Variants in SPOCK3 observed in about 807,000 individuals in gnomAD.
SPOCK3 encodes testican-3.
A neutral mutation model predicts 56.6 loss-of-function variants in SPOCK3; 30 were observed. The ratio of observed to expected loss-of-function variants is 0.53; its 90% CI spans 0.40 to 0.72. The LOEUF (loss-of-function observed/expected upper bound fraction) is 0.72. Ranked by LOEUF, SPOCK3 falls within the 30% of genes least tolerant of loss-of-function variation. The pLI is 0.00. For missense variants in SPOCK3, 527 were observed against 530.0 expected (o/e 0.99, Z 0.06); for synonymous variants, 196 against 183.3 (o/e 1.07, Z -0.56).
chr4:166,765,049 T>C lies in SPOCK3; in HGVS notation c.710-10320A>G, dbSNP rs374386674. On this transcript the variant is annotated intron_variant, in intron 7 of 10. Coordinates refer to ENST00000357545, the MANE Select transcript of SPOCK3 (RefSeq NM_001040159.2). The stretch of plus-strand genomic sequence containing the variant: ...TTTCGATGGGTTCTTTGTTTTTTTC[T>C]TGTAAATTTGTTTGAGTTCTTTGTA... Among the ~76,000 whole-genome samples, 12 of 152,316 alleles carry C rather than the reference T, an allele frequency of 7.9e-5. 1 individual carries two copies. The East Asian group carries it at 1.5e-3, about 20-fold the overall frequency.
At chr4:167,014,845 G>A (rs2150151348) in intron 3 of SPOCK3, among the ~76,000 whole-genome samples, 1 of 152,124 alleles carries the variant, frequency 6.6e-6, no homozygotes, top group African/African-American at 2.4e-5. Context: ...TGAGAGAAAT[G>A]TTCTTAAATC....
At chr4:167,182,883 A>G (rs1171541720) in intron 2 of SPOCK3, among the ~76,000 whole-genome samples, 1 of 152,110 alleles carries the variant, frequency 6.6e-6, no homozygotes, top group Non-Finnish European at 1.5e-5. Context: ...ACTGACTTCA[A>G]TCTTTTACAT....
At chr4:166,882,709 C>T (rs1029534217) in intron 6 of SPOCK3, 2 of 152,158 alleles carry the variant, frequency 1.3e-5, no homozygotes, top group East Asian at 3.8e-4. Context: ...AGTCCAACAT[C>T]AGTTTCACAG....
chr4:166,868,685 A>G (rs1244728664), intron 6 of SPOCK3, among the ~76,000 whole-genome samples: 1 of 152,122 alleles, frequency 6.6e-6, no homozygotes, highest in African/African-American at 2.4e-5. Flanking sequence ...TTTAAACATA[A>G]GAAGAAAAGG....
At chr4:167,058,336 A>C (rs569932069) in intron 3 of SPOCK3, among the ~76,000 whole-genome samples, 1 of 152,340 alleles carries the variant, frequency 6.6e-6, no homozygotes, top group African/African-American at 2.4e-5. Context: ...AAAAATCACA[A>C]GCATTCTTTT....
chr4:167,184,418 C>CA (rs1731777888), intron 2 of SPOCK3, among the ~76,000 whole-genome samples: 1 of 152,050 alleles, frequency 6.6e-6, no homozygotes, highest in African/African-American at 2.4e-5. Context: ...TCGTATCCAG[C>CA]AAAAAACTCA....
At chr4:167,119,875 C>G in intron 2 of SPOCK3, 1 of 1,519,044 alleles carries the variant, frequency 6.6e-7, no homozygotes, top group Non-Finnish European at 8.8e-7. Flanking sequence ...TTTCTTCTTA[C>G]TAATGCCCCA....
At chr4:167,135,407 G>T (rs945398683) in intron 2 of SPOCK3, among the ~76,000 whole-genome samples, 37 of 152,102 alleles carry the variant, frequency 2.4e-4, no homozygotes, top group African/African-American at 8.7e-4. Context: ...AAAGTGCATA[G>T]ATCTAAAAGA....
At chr4:166,897,740 T>C (rs904149424) in intron 5 of SPOCK3, among the ~76,000 whole-genome samples, 11 of 152,202 alleles carry the variant, frequency 7.2e-5, no homozygotes, top group Non-Finnish European at 1.5e-4. Flanking sequence ...TAGTGGTTTT[T>C]GGCAACGATG....
chr4:167,000,688 T>C (rs1748860401), intron 3 of SPOCK3, among the ~76,000 whole-genome samples: 1 of 152,202 alleles, frequency 6.6e-6, no homozygotes, highest in Non-Finnish European at 1.5e-5. Context: ...GATGCACATA[T>C]GCCTATGATC....
chr4:166,903,668 G>A lies in SPOCK3; in HGVS notation c.474+8952C>T, dbSNP rs189200146. On this transcript the variant is annotated intron_variant, in intron 5 of 10. Coordinates refer to ENST00000357545, the MANE Select transcript of SPOCK3 (RefSeq NM_001040159.2). Reference sequence around the variant, plus strand: ...ATTGACAGGTGTTTTGTTTTTTCCTGTCTCAGTTTCTGTGTTAGTGTTGTT... The same window carrying A: ...ATTGACAGGTGTTTTGTTTTTTCCTATCTCAGTTTCTGTGTTAGTGTTGTT... Among the ~76,000 whole-genome samples, 12 of 151,290 alleles carry A rather than the reference G, an allele frequency of 7.9e-5. No homozygotes were observed. In the East Asian group the frequency reaches 2.3e-3, roughly 29 times the overall value.
intron 8 of SPOCK3, among the ~76,000 whole-genome samples, chr4:166,744,064 G>A (rs1286207375): frequency 6.6e-6 from 1 of 152,198 alleles, no homozygotes; most frequent in African/African-American, 2.4e-5. Context: ...AGAAACTTCT[G>A]CAGACTTAAA....
chr4:167,158,572 T>C (rs866982435), intron 2 of SPOCK3, among the ~76,000 whole-genome samples: 3 of 151,982 alleles, frequency 2.0e-5, no homozygotes, highest in Non-Finnish European at 2.9e-5. Flanking sequence ...AAATAACCTT[T>C]GAGAGTTTCT....
chr4:166,953,697 A>G (rs1330682020), intron 4 of SPOCK3, among the ~76,000 whole-genome samples: 3 of 152,234 alleles, frequency 2.0e-5, no homozygotes, highest in African/African-American at 7.2e-5. Flanking sequence ...AATGTCCAAC[A>G]ATGATAGACT....
At chr4:167,116,293 A>G (rs1200783991) in intron 2 of SPOCK3, among the ~76,000 whole-genome samples, 2 of 151,416 alleles carry the variant, frequency 1.3e-5, no homozygotes, top group Non-Finnish European at 3.0e-5. Flanking sequence ...AGCTCCAATT[A>G]TAGTTAAGAT....
Position 166,919,657 on chromosome 4 carries a change from G to T in SPOCK3, c.351-6914C>A, listed in dbSNP as rs1738270705. Among the ~76,000 whole-genome samples, 4 of 152,164 alleles carry T rather than the reference G, an allele frequency of 2.6e-5. 1 individual carries two copies. Among genetic ancestry groups the T allele is most frequent in the Admixed American group, 2.6e-4 (4 of 15,268 alleles). ...ACTAAAAACCCCTTCATTTAAAAAGGTATATTCAACTGCAAATGATCTTCA... is the reference window on the plus strand; with the variant it reads ...ACTAAAAACCCCTTCATTTAAAAAGTTATATTCAACTGCAAATGATCTTCA... On this transcript the variant is annotated intron_variant, in intron 4 of 10. Coordinates refer to ENST00000357545, the MANE Select transcript of SPOCK3 (RefSeq NM_001040159.2).
chr4:166,738,442 T>C (rs1368243613), intron 9 of SPOCK3, among the ~76,000 whole-genome samples: 1 of 151,158 alleles, frequency 6.6e-6, no homozygotes, highest in African/African-American at 2.4e-5. Flanking sequence ...ATTTATTTAT[T>C]TAATTTTACT....
chr4:166,774,230 T>G, intron 7 of SPOCK3, among the ~76,000 whole-genome samples: 1 of 152,170 alleles, frequency 6.6e-6, no homozygotes, highest in East Asian at 1.9e-4. Context: ...TATGACCACC[T>G]CCAGTTTTTA....
chr4:167,077,854 G>A (rs1450320675), intron 2 of SPOCK3, among the ~76,000 whole-genome samples: 1 of 151,738 alleles, frequency 6.6e-6, no homozygotes, highest in East Asian at 1.9e-4. Flanking sequence ...AGGAAAGAAA[G>A]GTGGAAGGAA....
Sources: allele counts gnomAD v4.1 joint callset (sites outside exome capture counted in the v4.1 genomes callset), GRCh38; gene constraint gnomAD v4.1.1; transcripts MANE v1.5; gene names NCBI Gene and HGNC (gene_info 2026-07-23, HGNC 2026-07-21).